Variants in NPAS2 observed in about 807,000 individuals in gnomAD.
NPAS2 encodes neuronal PAS domain protein 2, also known as neuronal PAS domain-containing protein 2.
A neutral mutation model predicts 107.5 loss-of-function variants in NPAS2; 23 were observed. The ratio of observed to expected loss-of-function variants is 0.21; its 90% confidence interval spans 0.15 to 0.30. NPAS2 has a LOEUF of 0.30. Ranked by LOEUF, NPAS2 falls within the 10% of genes least tolerant of loss-of-function variation. The pLI is 1.00. For missense variants in NPAS2, 756 were observed against 1,043.3 expected (o/e 0.72, Z 3.79); for synonymous variants, 403 against 417.5 (o/e 0.97, Z 0.42).
intron 5 of NPAS2, among the ~76,000 whole-genome samples, chr2:100,948,032 A>G (rs917283323): frequency 4.6e-5 from 7 of 152,370 alleles, no homozygotes; most frequent in African/African-American, 1.7e-4. Context: ...ACAACAGCAC[A>G]TATGCATTTG....
In NPAS2 at chr2:100,870,554, C is replaced by A. The variant is rs1310552290; in HGVS notation, c.-22-34179C>A. 4.6e-5 allele frequency among the ~76,000 whole-genome samples: 7 copies of A among 152,120 alleles called. No individual in the cohort carries two copies. The East Asian group carries it at 1.2e-3, about 25-fold the overall frequency. Reference sequence around the variant, plus strand: ...GGGACTATAGATGCCTGCCACCACACCTGGTGAATTTTTGTGTTTTTGTAG... The same window carrying A: ...GGGACTATAGATGCCTGCCACCACAACTGGTGAATTTTTGTGTTTTTGTAG... On this transcript the variant is annotated intron_variant, in intron 1 of 20. Coordinates refer to ENST00000335681, the MANE Select transcript of NPAS2 (RefSeq NM_002518.4).
At chr2:100,899,047 C>A (rs568571776) in intron 1 of NPAS2, among the ~76,000 whole-genome samples, 39 of 152,204 alleles carry the variant, frequency 2.6e-4, no homozygotes, top group African/African-American at 8.2e-4. Flanking sequence ...GAAGAACATT[C>A]TACAGATACT....
chr2:100,818,833 G>T (rs1352340599), upstream of NPAS2, among the ~76,000 whole-genome samples: 1 of 152,246 alleles, frequency 6.6e-6, no homozygotes, highest in Non-Finnish European at 1.5e-5. Flanking sequence ...TCGTGGGAGC[G>T]GGCAGGGGGA....
intron 1 of NPAS2, among the ~76,000 whole-genome samples, chr2:100,823,204 A>T (rs1439718495): frequency 6.6e-6 from 1 of 152,210 alleles, no homozygotes; most frequent in East Asian, 1.9e-4. Context: ...GGTGATGATG[A>T]TTAATAGTAT....
intron 1 of NPAS2, among the ~76,000 whole-genome samples, chr2:100,880,841 C>T (rs530522459): frequency 5.3e-5 from 8 of 152,256 alleles, no homozygotes; most frequent in African/African-American, 1.4e-4. Context: ...TGAGTAGAAG[C>T]TCCAGGAGCA....
chr2:100,843,022 C>A (rs1460681352), intron 1 of NPAS2, among the ~76,000 whole-genome samples: 8 of 152,100 alleles, frequency 5.3e-5, no homozygotes, highest in Middle Eastern at 3.4e-3. Flanking sequence ...AGATTGAGAC[C>A]ATCCTGGCCA....
intron 1 of NPAS2, among the ~76,000 whole-genome samples, chr2:100,838,979 T>G (rs1017760957): frequency 2.6e-5 from 4 of 152,146 alleles, no homozygotes. Context: ...ATAAAAGTTA[T>G]AGTGAATGTG....
At position 100,844,126 on chromosome 2, in the gene NPAS2, A is replaced by G. The variant is rs576894269; in HGVS notation, c.-23+23712A>G. Among the ~76,000 whole-genome samples the G allele has an allele frequency of 6.8e-4, 104 of 152,304 alleles. 1 individual carries two copies. The highest frequency in any genetic ancestry group is 2.4e-3 in the African/African-American group (99 of 41,562). On this transcript the variant is annotated intron_variant, in intron 1 of 20. Transcript: ENST00000335681. ...GCCTGGCCACCCAATTTCTCCTTCA[A>G]TACTGACCCAATTAATATAGGGTTT...
chr2:100,881,564 T>C (rs574353282), intron 1 of NPAS2, among the ~76,000 whole-genome samples: 1 of 152,138 alleles, frequency 6.6e-6, no homozygotes, highest in African/African-American at 2.4e-5. Context: ...CAGGTGCCTG[T>C]AATCCCAGCT....
At chr2:100,905,323 TG>T (rs1682078053) in intron 2 of NPAS2, among the ~76,000 whole-genome samples, 1 of 151,936 alleles carries the variant, frequency 6.6e-6, no homozygotes, top group African/African-American at 2.4e-5. Flanking sequence ...GCGCTGTGGT[TG>T]GGTCAACTAA....
intron 1 of NPAS2, among the ~76,000 whole-genome samples, chr2:100,886,293 ACT>A (rs1680694950): frequency 6.6e-6 from 1 of 152,186 alleles, no homozygotes; most frequent in Admixed American, 6.5e-5. Flanking sequence ...TCAGGAAAAC[ACT>A]GTTACACAAG....
At chr2:100,973,486 G>A (rs1025296016) in intron 12 of NPAS2, among the ~76,000 whole-genome samples, 1 of 152,130 alleles carries the variant, frequency 6.6e-6, no homozygotes, top group African/African-American at 2.4e-5. Context: ...CTGGTCAAAG[G>A]CAAACTGTAA....
intron 1 of NPAS2, among the ~76,000 whole-genome samples, chr2:100,867,669 A>G (rs930163770): frequency 1.3e-5 from 2 of 152,094 alleles, no homozygotes; most frequent in Admixed American, 6.5e-5. Flanking sequence ...TGGAGAGATT[A>G]TATGTTTATT....
In NPAS2 at chr2:100,883,051, G is replaced by A. The variant is rs576387881; in HGVS notation, c.-22-21682G>A. On this transcript the variant is annotated intron_variant, in intron 1 of 20. Transcript: ENST00000335681. ...AATCACTTGAAATCACTTGTGTCCC[G>A]TGCTGGAAACAGCTCCACAGCAGTG... is the stretch of plus-strand genomic sequence containing the variant. Among the ~76,000 whole-genome samples the A allele has an allele frequency of 2.2e-3, 330 of 152,276 alleles. 1 individual carries two copies. Among genetic ancestry groups the A allele is most frequent in the African/African-American group, 6.0e-3 (248 of 41,572 alleles).
rs568350530 is a variant in NPAS2, at chr2:100,856,708, G to A, written c.-23+36294G>A. Among the ~76,000 whole-genome samples the A allele has an allele frequency of 8.8e-4, 134 of 151,712 alleles. 1 individual carries two copies. Among genetic ancestry groups the A allele is most frequent in the African/African-American group, 3.0e-3 (125 of 41,348 alleles). On this transcript the variant is annotated intron_variant, in intron 1 of 20. Coordinates refer to ENST00000335681, the MANE Select transcript of NPAS2 (RefSeq NM_002518.4). ...ATGTAGAGAGAATGTGTGTATGGGC[G>A]GGGTGGGGGCGGGGGCGGGGGCATG... is the stretch of plus-strand genomic sequence containing the variant.
At chr2:100,993,592 A>T in intron 20 of NPAS2, 65 bp downstream of exon 20, 1 of 1,235,822 alleles carries the variant, frequency 8.1e-7, no homozygotes, top group Non-Finnish European at 1.1e-6. Context: ...CCACACCCGA[A>T]GTCTCAGAGA....
At chr2:100,967,188 T>A (rs188367263) in intron 10 of NPAS2, among the ~76,000 whole-genome samples, 140 of 151,492 alleles carry the variant, frequency 9.2e-4, no homozygotes, top group African/African-American at 3.3e-3. Flanking sequence ...ACCCTCAATC[T>A]GCTGGGCTTA....
In NPAS2 at chr2:100,889,589, G is replaced by C. The variant is rs150732525; in HGVS notation, c.-22-15144G>C. ...TTTTTACCACACCGGATATCCTGAAGTTGGGCTGGTTGGGGTTTTGGGAGA... is the reference window on the plus strand; with the variant it reads ...TTTTTACCACACCGGATATCCTGAACTTGGGCTGGTTGGGGTTTTGGGAGA... On this transcript the variant is annotated intron_variant, in intron 1 of 20. Transcript: ENST00000335681. 2.6e-4 allele frequency among the ~76,000 whole-genome samples: 40 copies of C among 152,276 alleles called. No individual in the cohort carries two copies. In the East Asian group the frequency reaches 7.3e-3, roughly 28 times the overall value.
At chr2:100,925,495 T>C (rs777311436) in intron 3 of NPAS2, among the ~76,000 whole-genome samples, 131 of 152,236 alleles carry the variant, frequency 8.6e-4, no homozygotes, top group Middle Eastern at 3.4e-3. Context: ...CACCTCCCAA[T>C]TGCATTATAA....
Sources: allele counts gnomAD v4.1 joint callset (sites outside exome capture counted in the v4.1 genomes callset), GRCh38; gene constraint gnomAD v4.1.1; transcripts MANE v1.5; gene names NCBI Gene and HGNC (gene_info 2026-07-23, HGNC 2026-07-21).